ANKIB1: variants seen among roughly 807,000 people sequenced by gnomAD.
ANKIB1 encodes ankyrin repeat and IBR domain containing 1.
A neutral mutation model predicts 122.1 loss-of-function variants in ANKIB1; 43 were observed. That is an observed-to-expected ratio of 0.35 (90% confidence interval 0.28 to 0.45). The LOEUF (loss-of-function observed/expected upper bound fraction) is 0.45. ANKIB1 is among the 20% of genes least tolerant of loss of function. The pLI is 1.00. For synonymous variants in ANKIB1, 390 were observed against 442.0 expected, an observed-to-expected ratio of 0.88 and a Z score of 1.48; for missense variants, 992 against 1,329.5, an observed-to-expected ratio of 0.75 and a Z score of 3.95.
At chr7:92,268,437 T>C (rs1255986612) in intron 1 of ANKIB1, among the ~76,000 whole-genome samples, 3 of 152,226 alleles carry the variant, frequency 2.0e-5, no homozygotes, top group Admixed American at 6.5e-5. Flanking sequence ...GAAGCGATCA[T>C]GTTATAAAAG....
chr7:92,378,876 C>T (rs558911077), intron 11 of ANKIB1, among the ~76,000 whole-genome samples: 2 of 152,270 alleles, frequency 1.3e-5, no homozygotes, highest in East Asian at 1.9e-4. Context: ...TAATAACCTT[C>T]GTGTGTATCA....
chr7:92,397,668 T>A, intron 18 of ANKIB1, 55 bp from the exon 19 acceptor site: 2 of 1,596,238 alleles, frequency 1.3e-6, no homozygotes, highest in Non-Finnish European at 1.7e-6. Context: ...ATGAAAAAAA[T>A]AAATAAGTCT....
At chr7:92,357,603 T>A (rs1207525810) in intron 9 of ANKIB1, among the ~76,000 whole-genome samples, 1 of 151,470 alleles carries the variant, frequency 6.6e-6, no homozygotes, top group Non-Finnish European at 1.5e-5. Flanking sequence ...GGCATGGTGG[T>A]GCATACCTAT....
At chr7:92,343,342 T>A in intron 6 of ANKIB1, 110 bp downstream of exon 6, 1 of 923,296 alleles carries the variant, frequency 1.1e-6, no homozygotes, top group East Asian at 2.7e-5. Flanking sequence ...TGTAATTGAA[T>A]CCTATCCCTT....
chr7:92,378,796 A>G lies in ANKIB1; in HGVS notation c.1617+7189A>G, dbSNP rs1804444502. 2.6e-5 allele frequency among the ~76,000 whole-genome samples: 4 copies of G among 152,246 alleles called. No individual in the cohort carries two copies. The South Asian group carries it at 8.3e-4, about 31-fold the overall frequency. ...TGATTGTATACCTAGAAAATTCACA[A>G]AAATCGACTGAAAAACTGCTACAAA... On this transcript the variant is annotated intron_variant, in intron 11 of 19. Transcript: ENST00000265742.
intron 2 of ANKIB1, among the ~76,000 whole-genome samples, chr7:92,300,728 T>C (rs1360304240): frequency 2.0e-5 from 3 of 152,280 alleles, no homozygotes; most frequent in Non-Finnish European, 2.9e-5. Flanking sequence ...AATTATACTT[T>C]TGTAGCAAAT....
chr7:92,307,341 C>T lies in ANKIB1; in HGVS notation c.189-18C>T, dbSNP rs1562777288. Reference sequence around the variant, plus strand: ...AAGTGATTTTCATCCTTTATTTTTCCCTTTCTTTCCATTTTAGGACTTTTC... The same window carrying T: ...AAGTGATTTTCATCCTTTATTTTTCTCTTTCTTTCCATTTTAGGACTTTTC... On this transcript the variant is annotated intron_variant, in intron 2 of 19. Transcript: ENST00000265742. The T allele has an allele frequency of 2.5e-6, 4 of 1,586,960 alleles. No homozygotes were observed. The highest frequency in any genetic ancestry group is 3.4e-6 in the Non-Finnish European group (4 of 1,165,364).
At chr7:92,368,651 G>A (rs1804157231) in intron 10 of ANKIB1, among the ~76,000 whole-genome samples, 1 of 151,924 alleles carries the variant, frequency 6.6e-6, no homozygotes, top group African/African-American at 2.4e-5. Context: ...AACCCAGGAG[G>A]CAGAGTTTGC....
At chr7:92,277,461 TAGTC>T (rs780625143) in intron 1 of ANKIB1, among the ~76,000 whole-genome samples, 3 of 152,198 alleles carry the variant, frequency 2.0e-5, no homozygotes, top group Non-Finnish European at 4.4e-5. Flanking sequence ...GCATCTGTAT[TAGTC>T]AGGCAGTCCC....
intron 1 of ANKIB1, among the ~76,000 whole-genome samples, chr7:92,258,153 T>C (rs1353598368): frequency 2.0e-5 from 3 of 152,220 alleles, no homozygotes; most frequent in Admixed American, 6.5e-5. Flanking sequence ...AATTTGGTAT[T>C]ATAGGATGAG....
chr7:92,389,290 T>C (rs557099285), intron 14 of ANKIB1, among the ~76,000 whole-genome samples: 7 of 152,254 alleles, frequency 4.6e-5, no homozygotes, highest in African/African-American at 1.7e-4. Context: ...TTCTGCAGTA[T>C]TTGCAAAGTT....
chr7:92,279,059 AC>A (rs1275437074), intron 1 of ANKIB1, among the ~76,000 whole-genome samples: 1 of 152,182 alleles, frequency 6.6e-6, no homozygotes, highest in Non-Finnish European at 1.5e-5. Flanking sequence ...AAACTGTTCC[AC>A]CTCAGATCAT....
chr7:92,342,871 C>A (rs1803466300), intron 5 of ANKIB1, among the ~76,000 whole-genome samples, 153 bp from the exon 6 acceptor site: 1 of 152,188 alleles, frequency 6.6e-6, no homozygotes, highest in Admixed American at 6.5e-5. Context: ...ATAACAAGAA[C>A]ATACCTAGAC....
intron 11 of ANKIB1, among the ~76,000 whole-genome samples, chr7:92,384,630 T>C (rs1449036789): frequency 6.6e-6 from 1 of 152,094 alleles, no homozygotes; most frequent in Non-Finnish European, 1.5e-5. Flanking sequence ...AAACAAGAAA[T>C]GGGGAAAGGA....
At position 92,399,112 on chromosome 7, in the gene ANKIB1, A is replaced by ATT; in HGVS notation, c.*166_*167dup. The ATT allele has an allele frequency of 2.9e-6, 2 of 693,634 alleles. No individual in the cohort carries two copies. The highest frequency in any genetic ancestry group is 4.2e-6 in the Non-Finnish European group (2 of 477,200). 43.0% of individuals were successfully genotyped at this position (693,634 alleles called of 1,614,324 possible). A position where few individuals can be genotyped will look rare whatever the true frequency, so the allele number is the denominator to read the frequency against. ...CCCTTGAATGGTAGCTTCATTTTTTATTTTAACCTTACAGGGAATTTCCTT... is the reference window on the plus strand; with the variant it reads ...CCCTTGAATGGTAGCTTCATTTTTTATTTTTTAACCTTACAGGGAATTTCCTT... On this transcript the variant is annotated 3_prime_UTR_variant, in exon 20 of 20. Coordinates refer to ENST00000265742, the MANE Select transcript of ANKIB1 (RefSeq NM_019004.2).
Position 92,291,189 on chromosome 7 carries a change from G to T in ANKIB1, c.-90-3700G>T, listed in dbSNP as rs145377740. Among the ~76,000 whole-genome samples the T allele has an allele frequency of 7.7e-4, 117 of 152,108 alleles. No homozygotes were observed. The East Asian group carries it at 9.7e-3, about 13-fold the overall frequency. ...TATGCCTGTAGTTCCAGCTACTCGG[G>T]AGTCTGAGGCATGAGAATCGGTTGA... is the stretch of plus-strand genomic sequence containing the variant. On this transcript the variant is annotated intron_variant, in intron 1 of 19. Coordinates refer to ENST00000265742, the MANE Select transcript of ANKIB1 (RefSeq NM_019004.2).
chr7:92,294,912 G>A lies in ANKIB1; in HGVS notation c.-67G>A. ...AGAATGTGAAAGATGTTGCAGAAGTGTTCCAGAAGTGGCTGAAGATAGAAG... is the reference window on the plus strand; with the variant it reads ...AGAATGTGAAAGATGTTGCAGAAGTATTCCAGAAGTGGCTGAAGATAGAAG... On this transcript the variant is annotated 5_prime_UTR_variant, in exon 2 of 20. Coordinates refer to ENST00000265742, the MANE Select transcript of ANKIB1 (RefSeq NM_019004.2). The A allele has an allele frequency of 1.6e-6, 2 of 1,223,890 alleles. No individual in the cohort carries two copies. The highest frequency in any genetic ancestry group is 2.3e-6 in the Non-Finnish European group (2 of 885,386). 75.8% of individuals were successfully genotyped at this position (1,223,890 alleles called of 1,614,324 possible).
intron 11 of ANKIB1, among the ~76,000 whole-genome samples, chr7:92,386,016 ACT>A (rs138688468): frequency 9.3e-4 from 142 of 152,318 alleles, no homozygotes; most frequent in African/African-American, 3.3e-3. Context: ...TATTTTTGGC[ACT>A]GTCTGATAAT....
At chr7:92,360,433 T>A (rs1382043587) in intron 9 of ANKIB1, among the ~76,000 whole-genome samples, 1 of 152,212 alleles carries the variant, frequency 6.6e-6, no homozygotes, top group East Asian at 1.9e-4. Flanking sequence ...TATTCAATTG[T>A]GTGAACGTGT....
Sources: gnomAD v4.1 joint callset for allele counts (sites outside exome capture counted in the v4.1 genomes callset) on GRCh38, gnomAD v4.1.1 for gene constraint, MANE v1.5 for transcripts, NCBI Gene and HGNC (gene_info 2026-07-23, HGNC 2026-07-21) for gene names.